SEZ6: variants seen among roughly 807,000 people sequenced by gnomAD.
The protein encoded by SEZ6 is seizure protein 6 homolog.
A neutral mutation model predicts 101.0 loss-of-function variants in SEZ6; 53 were observed. The observed-to-expected ratio is 0.52, with a 90% CI of 0.42 to 0.66. SEZ6 has a LOEUF of 0.66. Among genes scored for constraint, SEZ6 ranks in the 30% least tolerant of loss-of-function variants. The pLI is 0.00. For synonymous variants in SEZ6, 488 were observed against 512.2 expected, an observed-to-expected ratio of 0.95 and a Z score of 0.64; for missense variants, 1,102 against 1,289.4, an observed-to-expected ratio of 0.85 and a Z score of 2.23.
chr17:28,967,377 G>T (rs557414579), intron 4 of SEZ6, among the ~76,000 whole-genome samples: 2 of 152,308 alleles, frequency 1.3e-5, no homozygotes, highest in African/African-American at 4.8e-5. Context: ...ACTAGACCAG[G>T]AACTTGAAGC....
Position 28,957,160 on chromosome 17 carries a change from C to T in SEZ6, c.2577G>A (p.Gly859=). The T allele has an allele frequency of 1.2e-6, 2 of 1,613,928 alleles. No homozygotes were observed. Among genetic ancestry groups the T allele is most frequent in the Non-Finnish European group, 1.7e-6 (2 of 1,179,834 alleles). Residue 859 remains glycine, a synonymous_variant, in exon 13 of 17, where the codon GGG becomes GGA. Coordinates refer to ENST00000317338, the MANE Select transcript of SEZ6 (RefSeq NM_178860.5). ...GGGCACACGAGAAGTGGATGGTGGC[C>T]CCTGCTGGGTGTAGCTGCTTCTCAG... The part of the protein sequence containing the change: ...RSPEKQLHPA[G]ATIHFSCAPG...
At chr17:29,006,037 C>T (rs911655472), upstream of SEZ6, 13 of 474,498 alleles carry the variant, frequency 2.7e-5, no homozygotes, top group African/African-American at 2.1e-4. Flanking sequence ...GCACCACGGC[C>T]AGCGCCTGGC....
intron 3 of SEZ6, among the ~76,000 whole-genome samples, chr17:28,972,505 C>G (rs991037992): frequency 2.0e-5 from 3 of 152,148 alleles, no homozygotes; most frequent in Non-Finnish European, 2.9e-5. Context: ...AGAGGAAAGA[C>G]CTGGTGGGTC....
At position 28,957,932 on chromosome 17, in the gene SEZ6, A is replaced by G. The variant is rs752986339; in HGVS notation, c.2302+15T>C. 6 of 1,604,326 alleles carry G rather than the reference A, an allele frequency of 3.7e-6. No individual in the cohort carries two copies. In the African/African-American group the frequency reaches 8.0e-5, roughly 21 times the overall value. On this transcript the variant is annotated intron_variant, in intron 11 of 16. Transcript: ENST00000317338. ...TTGTGTTGGGAAGGGGAGCGTGGGG[A>G]ACAGGTATACTCACCCCTCTGGCAT...
In SEZ6 at chr17:28,957,185, G is replaced by A. The variant is rs1160408840; in HGVS notation, c.2552C>T (p.Pro851Leu). The A allele has an allele frequency of 1.9e-6, 3 of 1,614,010 alleles. No homozygotes were observed. The African/African-American group carries it at 4.0e-5, about 22-fold the overall frequency. The change falls in exon 13 of 17, where the codon CCT (proline) becomes CTT (leucine). Residue 851 changes from proline to leucine, a missense_variant. This residue lies in a region of SEZ6 where 556 missense variants were observed against 735.1 expected (regional missense o/e 0.76). Transcript: ENST00000317338. ...LSAPENGARS[P>L]EKQLHPAGAT... ...CCCTGCTGGGTGTAGCTGCTTCTCAGGACTTCGGGCACCATTCTCAGGGGC... is the reference window on the plus strand; with the variant it reads ...CCCTGCTGGGTGTAGCTGCTTCTCAAGACTTCGGGCACCATTCTCAGGGGC...
chr17:28,982,860 A>T (rs1202236338), intron 1 of SEZ6, among the ~76,000 whole-genome samples: 1 of 151,954 alleles, frequency 6.6e-6, no homozygotes, highest in Admixed American at 6.6e-5. Flanking sequence ...TTTTGTAGAG[A>T]TGGAGATCTC....
Position 28,955,313 on chromosome 17 carries a change from A to T in SEZ6, c.*649T>A. The T allele has an allele frequency of 4.0e-6, 1 of 247,414 alleles. No homozygotes were observed. The highest frequency in any genetic ancestry group is 5.0e-5 in the South Asian group (1 of 20,192). 15.3% of individuals were successfully genotyped at this position (247,414 alleles called of 1,614,324 possible). On this transcript the variant is annotated 3_prime_UTR_variant, in exon 17 of 17. Coordinates refer to ENST00000317338, the MANE Select transcript of SEZ6 (RefSeq NM_178860.5). ...GGCGTGTCCTGCTTTGGTGTGGAGC[A>T]TGAGTGCCCAGGGAAGCCCAACCTG...
chr17:28,972,457 G>A (rs994281470), intron 3 of SEZ6, among the ~76,000 whole-genome samples: 2 of 152,210 alleles, frequency 1.3e-5, no homozygotes, highest in African/African-American at 4.8e-5. Flanking sequence ...GACTCCAGAA[G>A]GGGCAGCTGG....
In SEZ6 at chr17:28,969,744, A is replaced by G. The variant is rs1230723294; in HGVS notation, c.1054+13T>C. The G allele has an allele frequency of 1.4e-6, 2 of 1,473,640 alleles. No homozygotes were observed. Among genetic ancestry groups the G allele is most frequent in the South Asian group, 2.9e-5 (2 of 68,280 alleles). 91.3% of individuals were successfully genotyped at this position (1,473,640 alleles called of 1,614,324 possible). A position where few individuals can be genotyped will look rare whatever the true frequency, so the allele number is the denominator to read the frequency against. ...GTCTGGGCTGGTTCCACCTTCAACT[A>G]CCCAGGCCTTACCTTGGTAATGGAA... On this transcript the variant is annotated intron_variant, in intron 4 of 16. Coordinates refer to ENST00000317338, the MANE Select transcript of SEZ6 (RefSeq NM_178860.5).
intron 1 of SEZ6, among the ~76,000 whole-genome samples, chr17:28,983,338 G>A (rs2041336287): frequency 6.6e-6 from 1 of 152,184 alleles, no homozygotes; most frequent in African/African-American, 2.4e-5. Context: ...AAAAACAGGT[G>A]TAGAATGGAA....
At chr17:28,979,113 G>A (rs533897313) in intron 3 of SEZ6, among the ~76,000 whole-genome samples, 10 of 152,114 alleles carry the variant, frequency 6.6e-5, no homozygotes, top group Non-Finnish European at 1.3e-4. Flanking sequence ...ACATCTGTGA[G>A]GACCTGTAGC....
At chr17:28,957,708 A>G (rs1384023983) in intron 11 of SEZ6, 169 bp from the exon 12 acceptor site, 10 of 888,204 alleles carry the variant, frequency 1.1e-5, no homozygotes, top group Non-Finnish European at 1.7e-5. Flanking sequence ...TCCCCTTCCC[A>G]TCTATTAGGT....
intron 3 of SEZ6, among the ~76,000 whole-genome samples, chr17:28,979,456 A>G (rs2041267451): frequency 6.6e-6 from 1 of 152,186 alleles, no homozygotes; most frequent in Non-Finnish European, 1.5e-5. Context: ...TCCCCTGCCC[A>G]TCCAAGGCTA....
chr17:29,001,909 C>A (rs1172078116), intron 1 of SEZ6, among the ~76,000 whole-genome samples: 2 of 152,140 alleles, frequency 1.3e-5, no homozygotes, highest in Non-Finnish European at 2.9e-5. Context: ...AACTTTGAGG[C>A]TCTCCTGTGC....
At chr17:28,993,708 A>G (rs946892985) in intron 1 of SEZ6, among the ~76,000 whole-genome samples, 5 of 152,118 alleles carry the variant, frequency 3.3e-5, no homozygotes, top group African/African-American at 4.8e-5. Context: ...GGAGCCCAGC[A>G]AGACAGGGCC....
At chr17:28,982,451 T>C (rs549385345) in intron 1 of SEZ6, among the ~76,000 whole-genome samples, 1 of 152,278 alleles carries the variant, frequency 6.6e-6, no homozygotes, top group South Asian at 2.1e-4. Context: ...AGAAAGGAAG[T>C]GACTTGCTCA....
chr17:28,988,885 A>C (rs1448870824), intron 1 of SEZ6, among the ~76,000 whole-genome samples: 2 of 152,192 alleles, frequency 1.3e-5, no homozygotes, highest in Non-Finnish European at 2.9e-5. Flanking sequence ...GGGACTCAGG[A>C]TGGGGCTGGG....
intron 1 of SEZ6, among the ~76,000 whole-genome samples, chr17:28,990,684 A>C (rs77450342): frequency 6.6e-6 from 1 of 152,092 alleles, no homozygotes; most frequent in South Asian, 2.1e-4. Flanking sequence ...CCAGACCCCT[A>C]TGATTTCATC....
At position 28,981,869 on chromosome 17, in the gene SEZ6, A is replaced by T; in HGVS notation, c.226T>A (p.Phe76Ile). 6.2e-7 allele frequency: 1 copy of T among 1,613,878 alleles called. No homozygotes were observed. The highest frequency in any genetic ancestry group is 1.1e-5 in the South Asian group (1 of 91,084). Reference sequence around the variant, plus strand: ...CCCTTTTCCAGCCCCTCTTGTAGGAATTCCTCAAGCAGCGGGTGGTGGTTG... The same window carrying T: ...CCCTTTTCCAGCCCCTCTTGTAGGATTTCCTCAAGCAGCGGGTGGTGGTTG... Reference protein sequence around the residue: ...LLNHHPLLEEFLQEGLEKGDE... With the variant: ...LLNHHPLLEEILQEGLEKGDE... Residue 76 changes from phenylalanine to isoleucine, a missense_variant, in exon 2 of 17, where the codon TTC becomes ATC. Coordinates refer to ENST00000317338, the MANE Select transcript of SEZ6 (RefSeq NM_178860.5).
Sources: allele counts gnomAD v4.1 joint callset (sites outside exome capture counted in the v4.1 genomes callset), GRCh38; gene constraint gnomAD v4.1.1; regional missense constraint gnomAD v4.1.1; transcripts MANE v1.5; gene names NCBI Gene and HGNC (gene_info 2026-07-23, HGNC 2026-07-21).